The following OPCML variants were observed in gnomAD, a reference collection of about 807,000 sequenced individuals.
The protein encoded by OPCML is opioid binding protein/cell adhesion molecule like, also known as opioid-binding protein/cell adhesion molecule.
A neutral mutation model predicts 37.8 loss-of-function variants in OPCML; 13 were observed. That is an observed-to-expected ratio of 0.34 (90% CI 0.22 to 0.55). The LOEUF (loss-of-function observed/expected upper bound fraction) is 0.55. Ranked by LOEUF, OPCML falls within the 20% of genes least tolerant of loss-of-function variation. The pLI, the probability that OPCML is intolerant of heterozygous loss-of-function variation, is 0.91. For synonymous variants in OPCML, 176 were observed against 168.8 expected, an observed-to-expected ratio of 1.04 and a Z score of -0.33; for missense variants, 341 against 435.6, an observed-to-expected ratio of 0.78 and a Z score of 1.93.
chr11:132,958,090 A>G (rs1946008414), intron 1 of OPCML, among the ~76,000 whole-genome samples: 1 of 152,262 alleles, frequency 6.6e-6, no homozygotes, highest in Non-Finnish European at 1.5e-5. Flanking sequence ...CCAAAGAGTT[A>G]GTCAAGTTAG....
intron 1 of OPCML, chr11:133,025,182 C>T (rs141938772): frequency 1.3e-5 from 7 of 554,362 alleles, no homozygotes; most frequent in Admixed American, 6.4e-5. Flanking sequence ...AGCATAAATA[C>T]GCAAATATGG....
chr11:132,589,721 G>C (rs1280177794), intron 3 of OPCML, among the ~76,000 whole-genome samples: 1 of 152,186 alleles, frequency 6.6e-6, no homozygotes, highest in Non-Finnish European at 1.5e-5. Context: ...CCCAGGAGGA[G>C]AGAATAGGAG....
At chr11:132,980,833 A>G (rs1384456925) in intron 1 of OPCML, among the ~76,000 whole-genome samples, 1 of 152,234 alleles carries the variant, frequency 6.6e-6, no homozygotes, top group Non-Finnish European at 1.5e-5. Flanking sequence ...GTCCGCTGTG[A>G]ATTTCGAGGT....
At chr11:133,460,842 A>G (rs531059894) in intron 1 of OPCML, among the ~76,000 whole-genome samples, 1 of 151,912 alleles carries the variant, frequency 6.6e-6, no homozygotes, top group Admixed American at 6.6e-5. Flanking sequence ...ATACTAGCAA[A>G]TAGGATTCAA....
At chr11:132,774,818 G>A (rs1946760585) in intron 2 of OPCML, among the ~76,000 whole-genome samples, 1 of 152,126 alleles carries the variant, frequency 6.6e-6, no homozygotes, top group African/African-American at 2.4e-5. Context: ...GCATACAGTA[G>A]GTGATTAATA....
intron 2 of OPCML, among the ~76,000 whole-genome samples, chr11:132,926,591 G>A (rs1031249363): frequency 6.6e-5 from 10 of 152,130 alleles, no homozygotes; most frequent in Non-Finnish European, 7.3e-5. Context: ...GTCTTCCCTT[G>A]CATGGAGGCA....
chr11:133,061,286 A>G (rs1948336994), intron 1 of OPCML, among the ~76,000 whole-genome samples: 1 of 152,270 alleles, frequency 6.6e-6, no homozygotes, highest in African/African-American at 2.4e-5. Context: ...AACTATTGGC[A>G]GACTCCAAAG....
intron 1 of OPCML, among the ~76,000 whole-genome samples, chr11:133,442,726 CGTGTGTGTGTGTGTGTGT>C (rs371441649): frequency 1.4e-5 from 2 of 141,350 alleles, no homozygotes; most frequent in Non-Finnish European, 3.1e-5. Flanking sequence ...CATATTTAAA[CGTGTGTGTGTGTGTGTGT>C]GTGTGTGTGT....
intron 1 of OPCML, chr11:133,003,938 A>C: frequency 2.0e-6 from 2 of 985,418 alleles, no homozygotes; most frequent in Non-Finnish European, 2.4e-6. Context: ...ACAGGCTGGC[A>C]GCACCCGGCA....
intron 1 of OPCML, among the ~76,000 whole-genome samples, chr11:133,097,631 TTA>T (rs1038692037): frequency 2.0e-5 from 3 of 151,656 alleles, no homozygotes; most frequent in African/African-American, 7.3e-5. Context: ...GCCAGAATAA[TTA>T]AGAAAAAAAG....
At chr11:132,651,433 CT>C (rs1444433370) in intron 3 of OPCML, among the ~76,000 whole-genome samples, 4 of 152,148 alleles carry the variant, frequency 2.6e-5, no homozygotes, top group Non-Finnish European at 5.9e-5. Context: ...ATTTTGATAA[CT>C]TTTTTTCTCG....
At chr11:132,987,434 TG>T (rs1565383453) in intron 1 of OPCML, among the ~76,000 whole-genome samples, 1 of 151,898 alleles carries the variant, frequency 6.6e-6, no homozygotes, top group East Asian at 1.9e-4. Flanking sequence ...AAAGAAGAGA[TG>T]GAGACAGTGG....
intron 3 of OPCML, among the ~76,000 whole-genome samples, chr11:132,534,687 T>C (rs1257031236): frequency 6.6e-6 from 1 of 152,182 alleles, no homozygotes; most frequent in East Asian, 1.9e-4. Context: ...TGCTTGGCAT[T>C]GGACAACTTT....
At chr11:133,325,926 C>T (rs1216135116) in intron 1 of OPCML, among the ~76,000 whole-genome samples, 1 of 152,112 alleles carries the variant, frequency 6.6e-6, no homozygotes, top group Non-Finnish European at 1.5e-5. Flanking sequence ...ATGCTGTTTC[C>T]TAAAGAACAA....
chr11:133,473,131 C>T (rs1947153976), intron 1 of OPCML, among the ~76,000 whole-genome samples: 2 of 152,168 alleles, frequency 1.3e-5, no homozygotes, highest in South Asian at 4.1e-4. Context: ...TATAATATCA[C>T]ACTTACTTAC....
intron 1 of OPCML, among the ~76,000 whole-genome samples, chr11:133,021,752 G>A (rs772221599): frequency 1.7e-4 from 3 of 17,536 alleles, no homozygotes; most frequent in Non-Finnish European, 1.8e-4. Context: ...TGCTCACACC[G>A]CCAATACTGA....
intron 1 of OPCML, among the ~76,000 whole-genome samples, chr11:133,070,884 G>A (rs1351253620): frequency 6.6e-6 from 1 of 152,122 alleles, no homozygotes; most frequent in Non-Finnish European, 1.5e-5. Flanking sequence ...CATACCCTGA[G>A]CTCAAATATG....
chr11:133,370,484 G>GAAAAAAAAAAAAA (rs202101542), intron 1 of OPCML, among the ~76,000 whole-genome samples: 1 of 86,076 alleles, frequency 1.2e-5, no homozygotes. Flanking sequence ...AGCTCAAACA[G>GAAAAAAAAAAAAA]AAAAAAAAAA....
At chr11:133,302,149 G>A (rs1942796007) in intron 1 of OPCML, 1 of 152,012 alleles carries the variant, frequency 6.6e-6, no homozygotes, top group Non-Finnish European at 1.5e-5. Context: ...CTTCTGATAT[G>A]GCTTGGCTCT....
Sources: allele counts gnomAD v4.1 joint callset (sites outside exome capture counted in the v4.1 genomes callset), GRCh38; gene constraint gnomAD v4.1.1; transcripts MANE v1.5; gene names NCBI Gene and HGNC (gene_info 2026-07-23, HGNC 2026-07-21).